Variants in RAB6B observed in about 807,000 individuals in gnomAD.
RAB6B encodes RAB6B, member RAS oncogene family.
A neutral mutation model predicts 31.2 loss-of-function variants in RAB6B; 7 were observed. That is an observed-to-expected ratio of 0.22 (90% confidence interval 0.13 to 0.42). The LOEUF is 0.42. Ranked by LOEUF, RAB6B falls within the 10% of genes least tolerant of loss-of-function variation. The pLI is 1.00. For missense variants in RAB6B, 149 were observed against 280.6 expected, an observed-to-expected ratio of 0.53 and a Z score of 3.35; for synonymous variants, 105 against 104.9, an observed-to-expected ratio of 1.00 and a Z score of -0.01.
At chr3:133,845,868 T>TA (rs1374511844) in intron 2 of RAB6B, among the ~76,000 whole-genome samples, 2,042 of 146,700 alleles carry the variant, frequency 0.014, 36 homozygotes, top group African/African-American at 0.045. Flanking sequence ...TATAAATAGG[T>TA]AAAAAAAAAA....
At chr3:133,834,139 G>A (rs1007600118) in intron 7 of RAB6B, among the ~76,000 whole-genome samples, 8 of 152,086 alleles carry the variant, frequency 5.3e-5, no homozygotes, top group African/African-American at 1.9e-4. Flanking sequence ...GAAGGTGGGC[G>A]GGACAAGGAG....
intron 6 of RAB6B, among the ~76,000 whole-genome samples, chr3:133,835,801 G>A (rs1419715058): frequency 6.6e-6 from 1 of 152,054 alleles, no homozygotes; most frequent in Non-Finnish European, 1.5e-5. Flanking sequence ...CTTCCACCTT[G>A]TGAGGATGCA....
chr3:133,843,210 C>A (rs1271377333), intron 2 of RAB6B, among the ~76,000 whole-genome samples: 1 of 151,958 alleles, frequency 6.6e-6, no homozygotes, highest in African/African-American at 2.4e-5. Flanking sequence ...ACAATCCAAT[C>A]AATCCCTTAC....
intron 2 of RAB6B, among the ~76,000 whole-genome samples, chr3:133,858,666 A>G (rs1421270156): frequency 2.6e-5 from 4 of 152,176 alleles, no homozygotes; most frequent in African/African-American, 4.8e-5. Context: ...ATCTTTATCT[A>G]CAGTCCCATG....
chr3:133,858,995 T>A (rs1236736251), intron 2 of RAB6B, among the ~76,000 whole-genome samples: 1 of 152,178 alleles, frequency 6.6e-6, no homozygotes, highest in Non-Finnish European at 1.5e-5. Flanking sequence ...GACTGACTGA[T>A]TGAAATAGGG....
Position 133,834,710 on chromosome 3 carries a change from C to T in RAB6B, c.496-69G>A, listed in dbSNP as rs533392823. 2.8e-5 allele frequency: 40 copies of T among 1,411,164 alleles called. No homozygotes were observed. In the South Asian group the frequency reaches 4.5e-4, roughly 16 times the overall value. The allele number at this position is 1,411,164 out of a possible 1,614,324, so 87.4% of individuals were successfully genotyped here. On this transcript the variant is annotated intron_variant, in intron 6 of 7. Transcript: ENST00000285208. ...TCCCCTCTGCTCCTCACTGCACCTG[C>T]ACCCTCACCCCTCTTCCCCTCCCAA...
rs1319847747 is a variant in RAB6B at position 133,827,930 on chromosome 3, A to G, written c.*858T>C. ...CTGGTTAAAATATTTTCAGAAGTAC[A>G]CATGGCACCCCAGTCTATAAACCAC... On this transcript the variant is annotated 3_prime_UTR_variant, in exon 8 of 8. Coordinates refer to ENST00000285208, the MANE Select transcript of RAB6B (RefSeq NM_016577.4). The G allele has an allele frequency of 1.4e-6, 1 of 702,854 alleles. No homozygotes were observed. Among genetic ancestry groups the G allele is most frequent in the Admixed American group, 2.0e-5 (1 of 50,008 alleles). 43.5% of individuals were successfully genotyped at this position (702,854 alleles called of 1,614,324 possible). A position where few individuals can be genotyped will look rare whatever the true frequency, so the allele number is the denominator to read the frequency against.
In RAB6B at chr3:133,833,525, C is replaced by G. The variant is rs529374189; in HGVS notation, c.562+1050G>C. Among the ~76,000 whole-genome samples, 179 of 152,308 alleles carry G rather than the reference C, an allele frequency of 1.2e-3. 2 individuals carry two copies. The highest frequency in any genetic ancestry group is 1.7e-3 in the Non-Finnish European group (118 of 68,020). On this transcript the variant is annotated intron_variant, in intron 7 of 7. Coordinates refer to ENST00000285208, the MANE Select transcript of RAB6B (RefSeq NM_016577.4). ...CCTCCAGGCCTGTGTCAGGCTCCCC[C>G]TTGCTGCAGCCCTGGGACTCCTGGT...
At chr3:133,834,329 C>A (rs1935699768) in intron 7 of RAB6B, among the ~76,000 whole-genome samples, 1 of 152,198 alleles carries the variant, frequency 6.6e-6, no homozygotes, top group Non-Finnish European at 1.5e-5. Context: ...CACAGCATCA[C>A]TCTGTGCACA....
At chr3:133,836,594 C>T in intron 6 of RAB6B, among the ~76,000 whole-genome samples, 1 of 152,172 alleles carries the variant, frequency 6.6e-6, no homozygotes. Context: ...GCCTCCCTGA[C>T]CCTGACGGCT....
chr3:133,863,321 G>A (rs1259195721), intron 2 of RAB6B, among the ~76,000 whole-genome samples: 1 of 152,184 alleles, frequency 6.6e-6, no homozygotes, highest in African/African-American at 2.4e-5. Flanking sequence ...GGCAGACAGA[G>A]GGGCTGTATT....
At chr3:133,834,527 A>C in intron 7 of RAB6B, 48 bp downstream of exon 7, 1 of 1,556,626 alleles carries the variant, frequency 6.4e-7, no homozygotes, top group South Asian at 1.1e-5. Flanking sequence ...TCAGTGAATA[A>C]ATGGCTTCTA....
At position 133,826,935 on chromosome 3, in the gene RAB6B, A is replaced by G. The variant is rs1460732342; in HGVS notation, c.*1853T>C. The G allele has an allele frequency of 2.0e-5, 3 of 152,702 alleles. No homozygotes were observed. 9.5% of individuals were successfully genotyped at this position (152,702 alleles called of 1,614,324 possible). A position where few individuals can be genotyped will look rare whatever the true frequency, so the allele number is the denominator to read the frequency against. On this transcript the variant is annotated 3_prime_UTR_variant, in exon 8 of 8. Transcript: ENST00000285208. ...AAGGTGTATACACAAGTCTATCTCT[A>G]TATATAATTATGTACACACATATAA...
chr3:133,886,594 A>G (rs949803551), intron 1 of RAB6B, among the ~76,000 whole-genome samples: 24 of 152,216 alleles, frequency 1.6e-4, no homozygotes, highest in Non-Finnish European at 2.4e-4. Context: ...CCAGGGAGTC[A>G]AAGGGTCCTT....
At chr3:133,892,768 C>T (rs1169035957) in intron 1 of RAB6B, among the ~76,000 whole-genome samples, 1 of 152,188 alleles carries the variant, frequency 6.6e-6, no homozygotes, top group African/African-American at 2.4e-5. Context: ...ATAAAAAGAG[C>T]GAGCCAGGGC....
intron 2 of RAB6B, among the ~76,000 whole-genome samples, chr3:133,862,143 A>G (rs1445496753): frequency 6.7e-6 from 1 of 148,290 alleles, no homozygotes; most frequent in Non-Finnish European, 1.5e-5. Context: ...AAAAAAAAAA[A>G]GAGAAAGCCT....
At position 133,854,422 on chromosome 3, in the gene RAB6B, T is replaced by C. The variant is rs1011174855; in HGVS notation, c.129+10162A>G. On this transcript the variant is annotated intron_variant, in intron 2 of 7. Coordinates refer to ENST00000285208, the MANE Select transcript of RAB6B (RefSeq NM_016577.4). ...GAGCAGCAGGTCTGACCTTGGGGAG[T>C]TTCCTGCCAGCCAGTCCACGATCCC... Among the ~76,000 whole-genome samples, 37 of 151,826 alleles carry C rather than the reference T, an allele frequency of 2.4e-4. 1 individual carries two copies. The highest frequency in any genetic ancestry group is 1.0e-3 in the South Asian group (5 of 4,792).
intron 2 of RAB6B, among the ~76,000 whole-genome samples, chr3:133,845,605 CATG>C (rs1935898333): frequency 6.6e-6 from 1 of 152,220 alleles, no homozygotes; most frequent in Admixed American, 6.5e-5. Flanking sequence ...AAGGTCCATA[CATG>C]ATAACTAACC....
chr3:133,876,901 C>T (rs1177561759), intron 1 of RAB6B, among the ~76,000 whole-genome samples: 2 of 150,882 alleles, frequency 1.3e-5, no homozygotes, highest in East Asian at 3.9e-4. Context: ...TGAATACACA[C>T]ACAAAAAAAA....
Sources: gnomAD v4.1 joint callset for allele counts (sites outside exome capture counted in the v4.1 genomes callset) on GRCh38, gnomAD v4.1.1 for gene constraint, MANE v1.5 for transcripts, NCBI Gene and HGNC (gene_info 2026-07-23, HGNC 2026-07-21) for gene names.